RFX3: variants seen among roughly 807,000 people sequenced by gnomAD.
The protein encoded by RFX3 is regulatory factor X3.
RFX3 carries 14 observed loss-of-function variants against 98.6 expected under a neutral mutation model. That is an observed-to-expected ratio of 0.14 (90% CI 0.09 to 0.22). RFX3 has a LOEUF of 0.22. RFX3 is among the 10% of genes least tolerant of loss of function. The probability of loss-of-function intolerance (pLI) is 1.00; values close to 1 mark genes in which losing one functional copy is unlikely to be tolerated. For synonymous variants in RFX3, 383 were observed against 328.4 expected, an observed-to-expected ratio of 1.17 and a Z score of -1.80; for missense variants, 639 against 926.9, an observed-to-expected ratio of 0.69 and a Z score of 4.03.
At chr9:3,234,338 T>A (rs571192699) in intron 15 of RFX3, among the ~76,000 whole-genome samples, 28 of 152,224 alleles carry the variant, frequency 1.8e-4, no homozygotes, top group Non-Finnish European at 2.9e-4. Context: ...ATAGCTCTAA[T>A]AAAACTTTAC....
intron 3 of RFX3, among the ~76,000 whole-genome samples, chr9:3,334,457 A>T (rs1394282577): frequency 6.6e-6 from 1 of 152,236 alleles, no homozygotes; most frequent in Non-Finnish European, 1.5e-5. Context: ...TTGTATCATT[A>T]TACTCAGTAA....
intron 15 of RFX3, among the ~76,000 whole-genome samples, chr9:3,244,474 C>G (rs1359387624): frequency 1.3e-5 from 2 of 152,108 alleles, no homozygotes; most frequent in Non-Finnish European, 2.9e-5. Context: ...TCAATTTTTC[C>G]TCTTGTCTGT....
chr9:3,517,605 G>C (rs897295624), intron 1 of RFX3, among the ~76,000 whole-genome samples: 1 of 152,182 alleles, frequency 6.6e-6, no homozygotes, highest in Non-Finnish European at 1.5e-5. Context: ...TCTAATAAAA[G>C]TGAGAAAGGA....
chr9:3,478,067 T>G (rs577864821), intron 1 of RFX3, among the ~76,000 whole-genome samples: 5 of 152,188 alleles, frequency 3.3e-5, no homozygotes, highest in Non-Finnish European at 5.9e-5. Flanking sequence ...TCTTTAGACA[T>G]GGTTTCATTT....
At chr9:3,417,457 T>C (rs1843080423) in intron 1 of RFX3, among the ~76,000 whole-genome samples, 1 of 152,008 alleles carries the variant, frequency 6.6e-6, no homozygotes, top group Admixed American at 6.6e-5. Flanking sequence ...TTTAAAGGAC[T>C]CAAATCTTAC....
chr9:3,251,726 G>C (rs1821429131), intron 14 of RFX3, among the ~76,000 whole-genome samples: 1 of 152,058 alleles, frequency 6.6e-6, no homozygotes, highest in Non-Finnish European at 1.5e-5. Context: ...TAATAATACA[G>C]AAAAACAATA....
At chr9:3,334,662 C>A (rs905841830) in intron 3 of RFX3, among the ~76,000 whole-genome samples, 16 of 152,114 alleles carry the variant, frequency 1.1e-4, no homozygotes, top group Non-Finnish European at 1.5e-4. Flanking sequence ...TATAAACACA[C>A]ACTGGGGTAA....
At chr9:3,333,828 A>T (rs1832861809) in intron 3 of RFX3, among the ~76,000 whole-genome samples, 1 of 152,206 alleles carries the variant, frequency 6.6e-6, no homozygotes, top group African/African-American at 2.4e-5. Flanking sequence ...TAGATTTCTC[A>T]AATAAAACAT....
chr9:3,320,808 T>C (rs1430951501), intron 4 of RFX3, among the ~76,000 whole-genome samples: 4 of 120,666 alleles, frequency 3.3e-5, no homozygotes, highest in South Asian at 2.7e-4. Context: ...TATATATATA[T>C]ATAGCCTCAT....
chr9:3,509,821 C>T (rs1356045209), intron 1 of RFX3, among the ~76,000 whole-genome samples: 2 of 151,848 alleles, frequency 1.3e-5, no homozygotes, highest in Non-Finnish European at 2.9e-5. Flanking sequence ...TTTGTATTAG[C>T]CCTAAGAACA....
intron 1 of RFX3, among the ~76,000 whole-genome samples, chr9:3,461,626 TA>T (rs1397222323): frequency 6.6e-6 from 1 of 151,968 alleles, no homozygotes; most frequent in African/African-American, 2.4e-5. Context: ...GACAAGTTGT[TA>T]AGCTGAAATA....
intron 1 of RFX3, among the ~76,000 whole-genome samples, chr9:3,467,180 A>ACG (rs1848361721): frequency 7.1e-6 from 1 of 141,064 alleles, no homozygotes; most frequent in African/African-American, 2.8e-5. Flanking sequence ...TAATGTATAT[A>ACG]TGTATATACA....
chr9:3,363,132 G>T (rs1836651892), intron 2 of RFX3, among the ~76,000 whole-genome samples: 3 of 152,044 alleles, frequency 2.0e-5, no homozygotes, highest in African/African-American at 7.2e-5. Context: ...TAATTTATTG[G>T]GAAAAGCATT....
At chr9:3,237,729 T>A (rs1404681919) in intron 15 of RFX3, among the ~76,000 whole-genome samples, 1 of 152,184 alleles carries the variant, frequency 6.6e-6, no homozygotes, top group Non-Finnish European at 1.5e-5. Flanking sequence ...AAACTAAGAC[T>A]CAAGCAAGGA....
intron 1 of RFX3, among the ~76,000 whole-genome samples, chr9:3,514,179 T>G (rs888801567): frequency 2.0e-5 from 3 of 152,202 alleles, no homozygotes; most frequent in African/African-American, 7.2e-5. Flanking sequence ...CATCAGACAG[T>G]TCCCCTAATC....
At chr9:3,377,086 A>G (rs1022830811) in intron 2 of RFX3, among the ~76,000 whole-genome samples, 1 of 152,222 alleles carries the variant, frequency 6.6e-6, no homozygotes, top group Non-Finnish European at 1.5e-5. Flanking sequence ...CAGCCATCCC[A>G]TTACTGGGTA....
intron 5 of RFX3, among the ~76,000 whole-genome samples, chr9:3,299,797 A>C (rs1828428033): frequency 6.6e-6 from 1 of 151,862 alleles, no homozygotes; most frequent in South Asian, 2.1e-4. Context: ...CAAATCAACA[A>C]ATACATTTTT....
intron 5 of RFX3, among the ~76,000 whole-genome samples, chr9:3,297,198 A>G (rs957538470): frequency 2.0e-5 from 3 of 152,104 alleles, no homozygotes; most frequent in African/African-American, 7.2e-5. Flanking sequence ...TTAACATTCA[A>G]TAATTTAGAA....
chr9:3,308,968 C>A (rs1484070451), intron 4 of RFX3, among the ~76,000 whole-genome samples: 1 of 152,254 alleles, frequency 6.6e-6, no homozygotes, highest in East Asian at 1.9e-4. Flanking sequence ...ACGATCTCCA[C>A]ACTAAGCCTG....
Sources: gnomAD v4.1 joint callset for allele counts (sites outside exome capture counted in the v4.1 genomes callset) on GRCh38, gnomAD v4.1.1 for gene constraint, MANE v1.5 for transcripts, NCBI Gene and HGNC (gene_info 2026-07-23, HGNC 2026-07-21) for gene names.